Variants in COP1 observed in about 807,000 individuals in gnomAD.
COP1 encodes the protein COP1 E3 ubiquitin ligase.
COP1 carries 24 observed loss-of-function variants against 101.3 expected under a neutral mutation model. The observed-to-expected ratio is 0.24, with a 90% confidence interval of 0.17 to 0.33. The LOEUF (loss-of-function observed/expected upper bound fraction) is 0.33. COP1 is among the 10% of genes least tolerant of loss of function. COP1 has a pLI of 1.00. For missense variants in COP1, 663 were observed against 906.2 expected (o/e 0.73, Z 3.45); for synonymous variants, 347 against 341.9 (o/e 1.01, Z -0.17).
At chr1:175,997,062 T>C (rs1297331351) in intron 15 of COP1, among the ~76,000 whole-genome samples, 1 of 150,982 alleles carries the variant, frequency 6.6e-6, no homozygotes, top group East Asian at 1.9e-4. Context: ...TATAGATCAA[T>C]GGAACAGAAC....
chr1:176,182,284 G>A (rs767669357), intron 2 of COP1, among the ~76,000 whole-genome samples: 29 of 152,372 alleles, frequency 1.9e-4, no homozygotes, highest in South Asian at 6.2e-4. Flanking sequence ...GAACAGGACA[G>A]CAGCAGCAGA....
rs759550104 is a variant in COP1, at chr1:176,143,146, A to AAGAGAGAG, written c.831+5852_831+5859dup. On this transcript the variant is annotated intron_variant, in intron 6 of 19. Transcript: ENST00000367669. ...AGCGAGAGAGAGAGAGAGCGAGAGA[A>AAGAGAGAG]AGAGAGAGAGAGAGAGAGGAACAAG... Among the ~76,000 whole-genome samples, 5 of 66,604 alleles carry AAGAGAGAG rather than the reference A, an allele frequency of 7.5e-5. No homozygotes were observed. In the East Asian group the frequency reaches 9.5e-4, roughly 13 times the overall value. The allele number at this position is 66,604 out of a possible 152,430, so 43.7% of individuals were successfully genotyped here. A position where few individuals can be genotyped will look rare whatever the true frequency, so the allele number is the denominator to read the frequency against.
At chr1:176,087,511 T>C (rs967308060) in intron 9 of COP1, among the ~76,000 whole-genome samples, 2 of 152,180 alleles carry the variant, frequency 1.3e-5, no homozygotes, top group African/African-American at 4.8e-5. Flanking sequence ...AAAGTGATCA[T>C]CATCATTGGC....
At chr1:176,099,108 T>G (rs914828829) in intron 9 of COP1, among the ~76,000 whole-genome samples, 1 of 151,184 alleles carries the variant, frequency 6.6e-6, no homozygotes, top group African/African-American at 2.4e-5. Context: ...TTGTCAATTG[T>G]GCTTCTAACT....
At chr1:175,992,152 A>G (rs1169831401) in intron 15 of COP1, among the ~76,000 whole-genome samples, 1 of 152,218 alleles carries the variant, frequency 6.6e-6, no homozygotes, top group Non-Finnish European at 1.5e-5. Flanking sequence ...ACAGGCATGC[A>G]ATGCATAATA....
In COP1 at chr1:176,099,717, C is replaced by T. The variant is rs922191525; in HGVS notation, c.1027-13827G>A. On this transcript the variant is annotated intron_variant, in intron 9 of 19. Transcript: ENST00000367669. ...ATGCTTCCCTTTAAGGAGTCAAGCT[C>T]GACTTGCAGAGCCAATAAAAGCCCC... 4.6e-5 allele frequency among the ~76,000 whole-genome samples: 7 copies of T among 152,260 alleles called. No individual in the cohort carries two copies. The East Asian group carries it at 9.6e-4, about 21-fold the overall frequency.
intron 10 of COP1, among the ~76,000 whole-genome samples, chr1:176,084,494 A>C (rs1054539433): frequency 6.6e-6 from 1 of 152,218 alleles, no homozygotes; most frequent in African/African-American, 2.4e-5. Context: ...CACAACTGGA[A>C]AAAACTACTT....
intron 6 of COP1, among the ~76,000 whole-genome samples, chr1:176,143,065 T>C (rs1690954040): frequency 6.7e-6 from 1 of 149,926 alleles, no homozygotes. Flanking sequence ...AGTTAGTTAT[T>C]AGAAAAAAAC....
chr1:176,121,512 G>GTTTGT (rs2149634800), intron 8 of COP1, among the ~76,000 whole-genome samples: 1 of 1,680 alleles, frequency 6.0e-4, no homozygotes, highest in East Asian at 0.056. Context: ...TTTAAATGTC[G>GTTTGT]TTTTTTATTT....
At chr1:176,016,135 T>C (rs1002917542) in intron 15 of COP1, among the ~76,000 whole-genome samples, 17 of 152,136 alleles carry the variant, frequency 1.1e-4, no homozygotes, top group Non-Finnish European at 1.6e-4. Flanking sequence ...GTAAGTAGAA[T>C]AGAAATGTCT....
At chr1:175,986,915 A>G (rs761889410) in intron 18 of COP1, 28 bp downstream of exon 18, 1 of 1,523,322 alleles carries the variant, frequency 6.6e-7, no homozygotes, top group South Asian at 1.3e-5. Flanking sequence ...TGAGATCCCA[A>G]GGTGAAAAAA....
At chr1:175,988,919 T>A (rs576113018) in intron 16 of COP1, 1 of 157,316 alleles carries the variant, frequency 6.4e-6, no homozygotes, top group South Asian at 2.0e-4. Flanking sequence ...GCCAACCAAG[T>A]AATATTTAAA....
At chr1:175,946,900 T>C (rs1405580507) in intron 19 of COP1, among the ~76,000 whole-genome samples, 1 of 152,244 alleles carries the variant, frequency 6.6e-6, no homozygotes, top group Non-Finnish European at 1.5e-5. Context: ...TGTACTGGCA[T>C]AACAGAAGCT....
At chr1:175,992,792 C>T (rs1658938561) in intron 15 of COP1, among the ~76,000 whole-genome samples, 2 of 152,224 alleles carry the variant, frequency 1.3e-5, no homozygotes, top group South Asian at 4.1e-4. Context: ...GCCTGCCTGC[C>T]TCTGTAGGCT....
At chr1:176,120,311 T>C (rs1461496684) in intron 8 of COP1, among the ~76,000 whole-genome samples, 3 of 151,598 alleles carry the variant, frequency 2.0e-5, no homozygotes, top group African/African-American at 7.3e-5. Flanking sequence ...TCCCAGATAC[T>C]AGGGAGGCTG....
chr1:176,160,220 A>G, intron 5 of COP1: 1 of 374,918 alleles, frequency 2.7e-6, no homozygotes. Context: ...TTCACTATGT[A>G]ATTATCTGCT....
At chr1:175,949,990 A>C (rs977189493) in intron 18 of COP1, among the ~76,000 whole-genome samples, 1 of 152,194 alleles carries the variant, frequency 6.6e-6, no homozygotes, top group Non-Finnish European at 1.5e-5. Context: ...CCCAATATAA[A>C]TAAGATAATC....
intron 14 of COP1, among the ~76,000 whole-genome samples, chr1:176,028,797 A>G (rs1161383169): frequency 6.8e-6 from 1 of 147,202 alleles, no homozygotes; most frequent in Non-Finnish European, 1.5e-5. Flanking sequence ...TCTGTCATTC[A>G]GGCTGGAGTG....
At chr1:175,947,099 G>A in intron 19 of COP1, 96 bp downstream of exon 19, 1 of 832,466 alleles carries the variant, frequency 1.2e-6, no homozygotes, top group Non-Finnish European at 2.0e-6. Flanking sequence ...GATTTGGGAT[G>A]ATCTCTAAGG....
Sources: gnomAD v4.1 joint callset for allele counts (sites outside exome capture counted in the v4.1 genomes callset) on GRCh38, gnomAD v4.1.1 for gene constraint, MANE v1.5 for transcripts, NCBI Gene and HGNC (gene_info 2026-07-23, HGNC 2026-07-21) for gene names.